HSD17B11: variants seen among roughly 807,000 people sequenced by gnomAD.
The protein encoded by HSD17B11 is hydroxysteroid 17-beta dehydrogenase 11.
Under a neutral mutation model 27.8 loss-of-function variants are expected in HSD17B11, and 22 were observed. The ratio of observed to expected loss-of-function variants is 0.79; its 90% CI spans 0.56 to 1.13. HSD17B11 has a LOEUF of 1.13. HSD17B11 is among the 50% of genes most tolerant of loss of function. HSD17B11 has a pLI of 0.00. For missense variants in HSD17B11, 314 were observed against 351.1 expected (o/e 0.89, Z 0.84); for synonymous variants, 117 against 132.8 (o/e 0.88, Z 0.82).
chr4:87,379,617 T>C (rs1000418885), intron 2 of HSD17B11, among the ~76,000 whole-genome samples: 5 of 145,530 alleles, frequency 3.4e-5, no homozygotes, highest in Non-Finnish European at 7.5e-5. Context: ...CATATATACA[T>C]ATATGTATTA....
rs796455500 is a variant in HSD17B11, at chr4:87,354,459, T to C, written c.695+2820A>G. ...GCCCTTGAGCCCAGCCTGTGCAACA[T>C]AGGGAGACCCTGTCTCTACAAAAAA... On this transcript the variant is annotated intron_variant, in intron 5 of 6. Transcript: ENST00000358290. Among the ~76,000 whole-genome samples, 21 of 151,844 alleles carry C rather than the reference T, an allele frequency of 1.4e-4. No homozygotes were observed. In the East Asian group the frequency reaches 1.6e-3, roughly 11 times the overall value.
chr4:87,383,915 G>A (rs1720237505), intron 1 of HSD17B11, among the ~76,000 whole-genome samples: 2 of 151,964 alleles, frequency 1.3e-5, no homozygotes, highest in African/African-American at 4.8e-5. Context: ...CCTAATAATT[G>A]TCAACTAATG....
intron 1 of HSD17B11, among the ~76,000 whole-genome samples, chr4:87,389,894 ATTG>A (rs954287140): frequency 7.3e-5 from 11 of 151,102 alleles, no homozygotes; most frequent in African/African-American, 2.4e-4. Flanking sequence ...TTTCCCTTTT[ATTG>A]TTTTTACTAA....
intron 4 of HSD17B11, among the ~76,000 whole-genome samples, chr4:87,361,553 G>T (rs949825735): frequency 6.6e-6 from 1 of 152,060 alleles, no homozygotes; most frequent in Non-Finnish European, 1.5e-5. Flanking sequence ...GGATCACGAG[G>T]TCAGGAGATC....
intron 5 of HSD17B11, among the ~76,000 whole-genome samples, chr4:87,356,849 C>G (rs1418157019): frequency 6.6e-6 from 1 of 152,150 alleles, no homozygotes; most frequent in Non-Finnish European, 1.5e-5. Flanking sequence ...TGGGTTATCT[C>G]TATCAGAATC....
chr4:87,386,142 CCT>C (rs959250026), intron 1 of HSD17B11, among the ~76,000 whole-genome samples: 7 of 152,060 alleles, frequency 4.6e-5, no homozygotes, highest in African/African-American at 1.7e-4. Context: ...TCACTTTTGC[CCT>C]GTTTCCTTGG....
At chr4:87,364,156 TTG>T (rs1735574872) in intron 4 of HSD17B11, among the ~76,000 whole-genome samples, 1 of 152,072 alleles carries the variant, frequency 6.6e-6, no homozygotes, top group African/African-American at 2.4e-5. Context: ...TTGTTTTGTT[TTG>T]TTTTGTTTTG....
chr4:87,342,888 C>T lies in HSD17B11; in HGVS notation c.696-2282G>A, dbSNP rs535030822. 7.2e-5 allele frequency among the ~76,000 whole-genome samples: 11 copies of T among 152,212 alleles called. 1 individual carries two copies. In the South Asian group the frequency reaches 1.2e-3, roughly 17 times the overall value. ...AATGGAAGCAAAAAATCAAAGGCAA[C>T]GGAAGCTTGCAGCATAAACAGGCAG... On this transcript the variant is annotated intron_variant, in intron 5 of 6. Transcript: ENST00000358290.
At chr4:87,370,413 A>G (rs1167936237) in intron 4 of HSD17B11, among the ~76,000 whole-genome samples, 2 of 151,878 alleles carry the variant, frequency 1.3e-5, no homozygotes, top group African/African-American at 4.8e-5. Flanking sequence ...GTTAGATATT[A>G]TTATTATTAT....
chr4:87,362,297 G>C (rs762801775), intron 4 of HSD17B11, among the ~76,000 whole-genome samples: 1 of 152,234 alleles, frequency 6.6e-6, no homozygotes, highest in Non-Finnish European at 1.5e-5. Flanking sequence ...AGGCCAAGGC[G>C]GGTGGATCAC....
chr4:87,388,533 A>G (rs1364415133), intron 1 of HSD17B11, among the ~76,000 whole-genome samples: 2 of 152,100 alleles, frequency 1.3e-5, no homozygotes, highest in Non-Finnish European at 2.9e-5. Context: ...TATTGATTCA[A>G]TTATCTCCAT....
chr4:87,384,849 C>A (rs920581330), intron 1 of HSD17B11, among the ~76,000 whole-genome samples: 1 of 151,930 alleles, frequency 6.6e-6, no homozygotes, highest in Non-Finnish European at 1.5e-5. Context: ...ATCTTTGTAC[C>A]TACTCCCTGT....
intron 3 of HSD17B11, 138 bp downstream of exon 3, chr4:87,374,561 T>C (rs1305704442): frequency 1.5e-6 from 1 of 667,714 alleles, no homozygotes; most frequent in South Asian, 2.2e-5. Context: ...TGAAAAATGA[T>C]CTCTTTGTAT....
intron 6 of HSD17B11, among the ~76,000 whole-genome samples, chr4:87,340,027 G>T (rs1045256101): frequency 6.6e-6 from 1 of 152,146 alleles, no homozygotes; most frequent in African/African-American, 2.4e-5. Context: ...CACATTGGAA[G>T]AAGCAAGACT....
chr4:87,366,682 T>C (rs1466705689), intron 4 of HSD17B11, among the ~76,000 whole-genome samples: 3 of 152,228 alleles, frequency 2.0e-5, no homozygotes, highest in African/African-American at 7.2e-5. Context: ...TAATAGTGGC[T>C]GTCCTAAAGT....
intron 1 of HSD17B11, among the ~76,000 whole-genome samples, chr4:87,384,703 G>A (rs1210013064): frequency 6.6e-6 from 1 of 151,804 alleles, no homozygotes; most frequent in Non-Finnish European, 1.5e-5. Flanking sequence ...CTTTGCCCTG[G>A]TAAATCTGTG....
At chr4:87,384,512 A>G (rs1009157935) in intron 1 of HSD17B11, among the ~76,000 whole-genome samples, 1 of 152,196 alleles carries the variant, frequency 6.6e-6, no homozygotes, top group Non-Finnish European at 1.5e-5. Flanking sequence ...TAGGAGAGAT[A>G]TTGCTAAATT....
At chr4:87,362,359 C>T (rs958088125) in intron 4 of HSD17B11, among the ~76,000 whole-genome samples, 6 of 152,128 alleles carry the variant, frequency 3.9e-5, no homozygotes, top group Non-Finnish European at 5.9e-5. Flanking sequence ...AACCCGGTCT[C>T]TACTAAAAAT....
intron 2 of HSD17B11, among the ~76,000 whole-genome samples, chr4:87,378,905 A>ATAAAT (rs1720029230): frequency 8.1e-5 from 1 of 12,364 alleles, no homozygotes; most frequent in Non-Finnish European, 1.3e-4. Flanking sequence ...AATATATATA[A>ATAAAT]ATATATATAT....
Sources: gnomAD v4.1 joint callset for allele counts (sites outside exome capture counted in the v4.1 genomes callset) on GRCh38, gnomAD v4.1.1 for gene constraint, MANE v1.5 for transcripts, NCBI Gene and HGNC (gene_info 2026-07-23, HGNC 2026-07-21) for gene names.